COL22A1: variants seen among roughly 807,000 people sequenced by gnomAD.
COL22A1 encodes the protein collagen alpha-1(XXII) chain.
COL22A1 carries 221 observed loss-of-function variants against 248.9 expected under a neutral mutation model. The observed-to-expected ratio is 0.89, with a 90% confidence interval of 0.80 to 0.99. The LOEUF (loss-of-function observed/expected upper bound fraction) is 0.99, where lower values mean the gene tolerates loss of function less well. COL22A1 is among the 50% of genes least tolerant of loss of function. COL22A1 has a pLI of 0.00. For missense variants in COL22A1, 2,240 were observed against 2,179.0 expected, an observed-to-expected ratio of 1.03 and a Z score of -0.56; for synonymous variants, 891 against 793.4, an observed-to-expected ratio of 1.12 and a Z score of -2.07.
intron 53 of COL22A1, among the ~76,000 whole-genome samples, chr8:138,619,226 T>C (rs895645981): frequency 1.1e-4 from 17 of 152,206 alleles, no homozygotes; most frequent in African/African-American, 3.9e-4. Flanking sequence ...GATGAGAACA[T>C]AGAAAACTTT....
At chr8:138,681,346 ATCTTTGGGATCCATTGGATCAG>A (rs1825949650) in intron 39 of COL22A1, among the ~76,000 whole-genome samples, 15 of 152,096 alleles carry the variant, frequency 9.9e-5, no homozygotes, top group African/African-American at 1.7e-4. Context: ...CCATCAGTGG[ATCTTTGGGATCCATTGGATCAG>A]TGGATCACTA....
intron 3 of COL22A1, among the ~76,000 whole-genome samples, chr8:138,851,658 G>A (rs1314547374): frequency 6.6e-6 from 1 of 152,162 alleles, no homozygotes; most frequent in Non-Finnish European, 1.5e-5. Context: ...GGATGGGGAG[G>A]AGATGGAGGC....
At chr8:138,885,705 A>C (rs1338803481) in intron 1 of COL22A1, among the ~76,000 whole-genome samples, 1 of 152,138 alleles carries the variant, frequency 6.6e-6, no homozygotes, top group African/African-American at 2.4e-5. Context: ...CTGGGATTAC[A>C]GGCATGCGCC....
chr8:138,789,917 T>C (rs73362874), intron 12 of COL22A1, among the ~76,000 whole-genome samples: 3,372 of 152,346 alleles, frequency 0.022, 130 homozygotes, highest in African/African-American at 0.078. Flanking sequence ...TCAAAGTCAC[T>C]ATACCATTCC....
intron 27 of COL22A1, 57 bp from the exon 28 acceptor site, chr8:138,716,926 G>A: frequency 7.6e-7 from 1 of 1,307,804 alleles, no homozygotes; most frequent in East Asian, 2.3e-5. Flanking sequence ...AGAGATGACT[G>A]CCATTTCCCA....
intron 22 of COL22A1, among the ~76,000 whole-genome samples, chr8:138,746,810 G>C (rs914399045): frequency 1.3e-5 from 2 of 152,200 alleles, no homozygotes; most frequent in African/African-American, 2.4e-5. Flanking sequence ...ACCCGAACCA[G>C]GATGGGTGCT....
chr8:138,679,480 T>C (rs757379919), intron 40 of COL22A1, 137 bp downstream of exon 40: 3 of 739,378 alleles, frequency 4.1e-6, no homozygotes, highest in Non-Finnish European at 7.2e-6. Flanking sequence ...TCTGGGATCT[T>C]CTTCCATCCA....
At chr8:138,818,523 G>A (rs1366626323) in intron 7 of COL22A1, among the ~76,000 whole-genome samples, 2 of 152,186 alleles carry the variant, frequency 1.3e-5, no homozygotes, top group Non-Finnish European at 2.9e-5. Flanking sequence ...GGCAGGGAGA[G>A]GTTTGCAAAT....
intron 53 of COL22A1, among the ~76,000 whole-genome samples, chr8:138,618,486 T>A (rs2131925431): frequency 6.6e-6 from 1 of 152,326 alleles, no homozygotes; most frequent in East Asian, 1.9e-4. Flanking sequence ...AGAACCACCT[T>A]TAATAAATTG....
chr8:138,600,783 G>C (rs1293506244), intron 60 of COL22A1, among the ~76,000 whole-genome samples: 1 of 152,210 alleles, frequency 6.6e-6, no homozygotes, highest in Non-Finnish European at 1.5e-5. Flanking sequence ...TTCCAAGCGT[G>C]ATGCATTTCA....
chr8:138,606,701 C>T lies in COL22A1; in HGVS notation c.4033-249G>A, dbSNP rs115569996. ...CCAAGGGTCTTTCCATTTGAAGCAACGAAAACAAACTGAGACAGATATTTA... is the reference window on the plus strand; with the variant it reads ...CCAAGGGTCTTTCCATTTGAAGCAATGAAAACAAACTGAGACAGATATTTA... On this transcript the variant is annotated intron_variant, in intron 57 of 64. Transcript: ENST00000303045. Among the ~76,000 whole-genome samples, 980 of 152,182 alleles carry T rather than the reference C, an allele frequency of 6.4e-3. 13 individuals carry two copies. Among genetic ancestry groups the T allele is most frequent in the African/African-American group, 0.023 (942 of 41,504 alleles).
intron 23 of COL22A1, among the ~76,000 whole-genome samples, chr8:138,728,691 C>A (rs73443094): frequency 0.019 from 2,922 of 152,020 alleles, 92 homozygotes; most frequent in African/African-American, 0.066. Flanking sequence ...CCTTGTCTGA[C>A]AATGAAGAAA....
intron 16 of COL22A1, among the ~76,000 whole-genome samples, chr8:138,765,560 T>C (rs1421017537): frequency 2.0e-5 from 3 of 152,210 alleles, no homozygotes; most frequent in African/African-American, 7.2e-5. Context: ...TCAGTGAGTT[T>C]GGAACGCAGG....
At chr8:138,750,990 G>A (rs1832547073) in intron 22 of COL22A1, among the ~76,000 whole-genome samples, 1 of 113,996 alleles carries the variant, frequency 8.8e-6, no homozygotes, top group Non-Finnish European at 1.8e-5. Context: ...AATCTAGATA[G>A]GAAAACAGGT....
At chr8:138,780,437 A>C (rs531214459) in intron 13 of COL22A1, among the ~76,000 whole-genome samples, 1 of 152,294 alleles carries the variant, frequency 6.6e-6, no homozygotes, top group African/African-American at 2.4e-5. Flanking sequence ...GACCCACCGA[A>C]GCTGAGATCA....
chr8:138,846,571 G>C (rs1821258922), intron 3 of COL22A1, among the ~76,000 whole-genome samples: 2 of 152,186 alleles, frequency 1.3e-5, no homozygotes, highest in South Asian at 4.1e-4. Context: ...AGTTGGTTAA[G>C]TCAGAACAAA....
chr8:138,645,852 G>C lies in COL22A1; in HGVS notation c.3501+777C>G, dbSNP rs1164777218. ...AGGGACACATTTGGCCCTGAGTGTT[G>C]GTGGGGAAGGTGTTCATTCTGCAGC... On this transcript the variant is annotated intron_variant, in intron 47 of 64. Transcript: ENST00000303045. 7.9e-5 allele frequency among the ~76,000 whole-genome samples: 12 copies of C among 152,302 alleles called. No individual in the cohort carries two copies. In the South Asian group the frequency reaches 2.3e-3, roughly 29 times the overall value.
At chr8:138,692,660 G>A (rs576840488) in intron 35 of COL22A1, among the ~76,000 whole-genome samples, 1 of 152,166 alleles carries the variant, frequency 6.6e-6, no homozygotes, top group East Asian at 1.9e-4. Flanking sequence ...CGGCCTTGGA[G>A]GCTGCCCATG....
chr8:138,605,089 T>C (rs1423419378), intron 58 of COL22A1, among the ~76,000 whole-genome samples: 1 of 152,146 alleles, frequency 6.6e-6, no homozygotes, highest in Non-Finnish European at 1.5e-5. Flanking sequence ...CTCTGAGAAG[T>C]AGGCCCATAA....
Sources: gnomAD v4.1 joint callset for allele counts (sites outside exome capture counted in the v4.1 genomes callset) on GRCh38, gnomAD v4.1.1 for gene constraint, MANE v1.5 for transcripts, NCBI Gene and HGNC (gene_info 2026-07-23, HGNC 2026-07-21) for gene names.